PDE4D: variants seen among roughly 807,000 people sequenced by gnomAD.
PDE4D encodes the protein phosphodiesterase 4D.
Under a neutral mutation model 87.4 loss-of-function variants are expected in PDE4D, and 24 were observed. The observed-to-expected ratio is 0.27, with a 90% CI of 0.20 to 0.39. The LOEUF (loss-of-function observed/expected upper bound fraction) is 0.39. PDE4D is among the 10% of genes least tolerant of loss of function. PDE4D has a pLI of 1.00. For synonymous variants in PDE4D, 384 were observed against 383.2 expected (o/e 1.00, Z -0.02); for missense variants, 714 against 1,041.0 (o/e 0.69, Z 4.32).
intron 6 of PDE4D, among the ~76,000 whole-genome samples, chr5:59,027,477 T>C (rs1756459285): frequency 6.6e-6 from 1 of 152,218 alleles, no homozygotes; most frequent in South Asian, 2.1e-4. Context: ...ATAGAAGTTA[T>C]TGGGAATTCC....
chr5:60,287,847 T>C (rs372690495), intron 1 of PDE4D, among the ~76,000 whole-genome samples: 1 of 152,182 alleles, frequency 6.6e-6, no homozygotes, highest in Non-Finnish European at 1.5e-5. Flanking sequence ...TATTTGATTA[T>C]TGCTATTTGT....
chr5:59,622,701 A>G (rs1830482389), intron 1 of PDE4D, among the ~76,000 whole-genome samples: 1 of 152,218 alleles, frequency 6.6e-6, no homozygotes, highest in Admixed American at 6.5e-5. Context: ...AGACTATTTT[A>G]GAATGACTGA....
At chr5:59,954,369 C>T (rs1006970250) in intron 3 of PDE4D, among the ~76,000 whole-genome samples, 8 of 152,216 alleles carry the variant, frequency 5.3e-5, no homozygotes, top group African/African-American at 1.9e-4. Context: ...AGAAGAGATT[C>T]TCCCAATAAT....
intron 1 of PDE4D, among the ~76,000 whole-genome samples, chr5:59,817,133 G>A (rs1007644268): frequency 6.6e-6 from 1 of 152,204 alleles, no homozygotes; most frequent in African/African-American, 2.4e-5. Flanking sequence ...AGGATGATAG[G>A]CAGGGCACCT....
At chr5:59,216,008 T>G in intron 1 of PDE4D, 40 bp from the exon 2 acceptor site, 1 of 1,405,996 alleles carries the variant, frequency 7.1e-7, no homozygotes, top group Non-Finnish European at 9.8e-7. Flanking sequence ...CTGTGAACAT[T>G]CACATGTTCA....
chr5:59,396,075 G>A (rs1789357583), intron 1 of PDE4D, among the ~76,000 whole-genome samples: 2 of 120,394 alleles, frequency 1.7e-5, no homozygotes, highest in African/African-American at 6.7e-5. Context: ...AGAAATATGG[G>A]ACTATGTGAA....
chr5:59,311,187 G>A (rs1273530995), intron 1 of PDE4D, among the ~76,000 whole-genome samples: 1 of 152,002 alleles, frequency 6.6e-6, no homozygotes, highest in Non-Finnish European at 1.5e-5. Context: ...GATGAATGGG[G>A]GATGCCCTAC....
intron 5 of PDE4D, among the ~76,000 whole-genome samples, chr5:59,049,877 C>T (rs1424158466): frequency 6.6e-6 from 1 of 152,178 alleles, no homozygotes; most frequent in East Asian, 1.9e-4. Context: ...TCATAAATCT[C>T]TGTTTAGCAT....
intron 1 of PDE4D, among the ~76,000 whole-genome samples, chr5:59,811,364 C>A (rs1328915476): frequency 2.0e-5 from 3 of 152,250 alleles, no homozygotes; most frequent in Non-Finnish European, 4.4e-5. Context: ...AAGAGATGCA[C>A]ATACCAAAAA....
At chr5:60,516,718 T>C (rs188938753) in intron 1 of PDE4D, among the ~76,000 whole-genome samples, 2 of 152,372 alleles carry the variant, frequency 1.3e-5, no homozygotes, top group African/African-American at 2.4e-5. Context: ...TGCCAGACAT[T>C]GTTCCCAGCA....
chr5:59,046,430 G>GTA (rs1443961990), intron 5 of PDE4D, among the ~76,000 whole-genome samples: 10 of 151,758 alleles, frequency 6.6e-5, no homozygotes, highest in African/African-American at 1.9e-4. Context: ...ATGTGTGTGT[G>GTA]TGTGTGTGTG....
At chr5:60,421,471 T>G (rs1052343667) in intron 1 of PDE4D, among the ~76,000 whole-genome samples, 4 of 152,024 alleles carry the variant, frequency 2.6e-5, no homozygotes, top group Non-Finnish European at 2.9e-5. Flanking sequence ...GGAGGAAAAC[T>G]AACAAACAGA....
intron 1 of PDE4D, among the ~76,000 whole-genome samples, chr5:60,243,107 A>T (rs193302371): frequency 2.5e-3 from 386 of 152,154 alleles, no homozygotes; most frequent in Non-Finnish European, 2.8e-3. Flanking sequence ...GAGAAGACAC[A>T]AATAAATAAA....
intron 1 of PDE4D, among the ~76,000 whole-genome samples, chr5:59,827,789 C>T (rs984895822): frequency 5.9e-5 from 9 of 151,984 alleles, no homozygotes; most frequent in Non-Finnish European, 1.3e-4. Context: ...CCACAAAATG[C>T]CCTCCATTGT....
chr5:59,127,907 G>C (rs916336780), intron 5 of PDE4D, among the ~76,000 whole-genome samples: 10 of 152,076 alleles, frequency 6.6e-5, no homozygotes, highest in Non-Finnish European at 1.3e-4. Flanking sequence ...CCGGCAGCTT[G>C]CCAGTTAAGA....
At chr5:59,780,325 C>G (rs1210628783) in intron 1 of PDE4D, among the ~76,000 whole-genome samples, 1 of 152,186 alleles carries the variant, frequency 6.6e-6, no homozygotes, top group Non-Finnish European at 1.5e-5. Context: ...GAGATCTCAC[C>G]ACTGCACTCC....
At chr5:59,333,764 G>T (rs1469322671) in intron 1 of PDE4D, among the ~76,000 whole-genome samples, 1 of 152,050 alleles carries the variant, frequency 6.6e-6, no homozygotes, top group Non-Finnish European at 1.5e-5. Flanking sequence ...TGATCTGCTG[G>T]ATTTAAGATT....
intron 1 of PDE4D, among the ~76,000 whole-genome samples, chr5:60,499,177 A>G (rs1462692800): frequency 1.3e-5 from 2 of 152,220 alleles, no homozygotes; most frequent in Non-Finnish European, 2.9e-5. Flanking sequence ...GAGACTTAAA[A>G]AACAACTGGA....
At chr5:60,305,782 T>A (rs1048281333) in intron 1 of PDE4D, among the ~76,000 whole-genome samples, 3 of 150,988 alleles carry the variant, frequency 2.0e-5, no homozygotes, top group Non-Finnish European at 3.0e-5. Context: ...AGACACTACA[T>A]ATTACAATGT....
Sources: allele counts gnomAD v4.1 joint callset (sites outside exome capture counted in the v4.1 genomes callset), GRCh38; gene constraint gnomAD v4.1.1; transcripts MANE v1.5; gene names NCBI Gene and HGNC (gene_info 2026-07-23, HGNC 2026-07-21).